The following TDRD9 variants were observed in gnomAD, a reference collection of about 807,000 sequenced individuals.
TDRD9 encodes tudor domain containing 9, also known as ATP-dependent RNA helicase TDRD9.
In TDRD9, 124 loss-of-function variants were observed where a neutral mutation model predicts 172.6. The ratio of observed to expected loss-of-function variants is 0.72; its 90% CI spans 0.62 to 0.83. The LOEUF is 0.83. TDRD9 is among the 40% of genes least tolerant of loss of function. TDRD9 has a pLI of 0.00. For missense variants in TDRD9, 1,479 were observed against 1,714.1 expected (o/e 0.86, Z 2.42); for synonymous variants, 619 against 617.1 (o/e 1.00, Z -0.05).
At chr14:104,042,010 G>A (rs1160610848) in intron 33 of TDRD9, 59 bp from the exon 34 acceptor site, 6 of 1,099,272 alleles carry the variant, frequency 5.5e-6, no homozygotes, top group Middle Eastern at 2.0e-4. Flanking sequence ...ATTCTCTAAC[G>A]GGATGAAATT....
At chr14:103,966,954 T>C in intron 5 of TDRD9, 123 bp downstream of exon 5, 1 of 920,372 alleles carries the variant, frequency 1.1e-6, no homozygotes, top group Non-Finnish European at 1.5e-6. Context: ...CCCTTTACTT[T>C]CTGGACTTTT....
intron 1 of TDRD9, among the ~76,000 whole-genome samples, chr14:103,930,465 C>G (rs145891460): frequency 6.6e-6 from 1 of 152,122 alleles, no homozygotes; most frequent in Non-Finnish European, 1.5e-5. Context: ...TGTGAGTCAC[C>G]GTGCCTGGCT....
At chr14:104,041,964 A>G in intron 33 of TDRD9, 105 bp from the exon 34 acceptor site, 1 of 780,290 alleles carries the variant, frequency 1.3e-6, no homozygotes, top group Non-Finnish European at 2.1e-6. Context: ...GATAAACCAT[A>G]CTGATGACAG....
intron 27 of TDRD9, 115 bp downstream of exon 27, chr14:104,026,251 A>C: frequency 1.4e-6 from 1 of 696,028 alleles, no homozygotes; most frequent in South Asian, 1.9e-5. Context: ...GCCAAGGCCC[A>C]GGACAGGGAG....
chr14:103,996,675 G>A (rs1463570844), intron 12 of TDRD9, among the ~76,000 whole-genome samples: 1 of 152,188 alleles, frequency 6.6e-6, no homozygotes, highest in African/African-American at 2.4e-5. Flanking sequence ...CAGGTGTTTT[G>A]TCTTTGTACC....
intron 30 of TDRD9, 33 bp from the exon 31 acceptor site, chr14:104,033,927 G>A (rs1436983712): frequency 7.1e-7 from 1 of 1,405,918 alleles, no homozygotes; most frequent in Non-Finnish European, 9.9e-7. Flanking sequence ...TAGTGGATCA[G>A]TCACCCCATC....
chr14:103,939,664 T>G (rs1212516), intron 1 of TDRD9: 1 of 111,908 alleles, frequency 8.9e-6, no homozygotes, highest in African/African-American at 3.3e-5. Context: ...GCAGGGAGAA[T>G]AAAGTTAGGA....
At chr14:103,956,149 T>TATATATATATATATATATATAA (rs1566738502) in intron 2 of TDRD9, among the ~76,000 whole-genome samples, 6 of 102,062 alleles carry the variant, frequency 5.9e-5, no homozygotes, top group Non-Finnish European at 1.1e-4. Context: ...TATATATATA[T>TATATATATATATATATATATAA]AATTATTAGG....
At chr14:104,020,616 G>C (rs947666359) in intron 23 of TDRD9, among the ~76,000 whole-genome samples, 1 of 152,180 alleles carries the variant, frequency 6.6e-6, no homozygotes, top group African/African-American at 2.4e-5. Context: ...AGGATGGGGC[G>C]TGAAGGAGAG....
At chr14:104,036,858 T>C (rs1372223620) in intron 32 of TDRD9, among the ~76,000 whole-genome samples, 2 of 152,226 alleles carry the variant, frequency 1.3e-5, no homozygotes, top group African/African-American at 4.8e-5. Context: ...ACTAGTTGTC[T>C]TTGAATCCAC....
At chr14:103,941,398 T>C (rs533944623) in intron 1 of TDRD9, 28 of 1,531,006 alleles carry the variant, frequency 1.8e-5, no homozygotes, top group African/African-American at 2.8e-5. Flanking sequence ...TATTTTTACC[T>C]GCTGAGAATA....
At chr14:103,950,797 G>A (rs1480637087) in intron 1 of TDRD9, among the ~76,000 whole-genome samples, 2 of 152,190 alleles carry the variant, frequency 1.3e-5, no homozygotes, top group Non-Finnish European at 2.9e-5. Flanking sequence ...AGCCAGGGAA[G>A]GCCATGAAGA....
chr14:103,938,434 A>C (rs1473398039), intron 1 of TDRD9, among the ~76,000 whole-genome samples: 1 of 34,932 alleles, frequency 2.9e-5, no homozygotes, highest in Non-Finnish European at 5.2e-5. Context: ...ATATATATAT[A>C]TATATATTTT....
intron 12 of TDRD9, among the ~76,000 whole-genome samples, chr14:103,996,989 A>G (rs756839846): frequency 6.6e-6 from 1 of 152,148 alleles, no homozygotes; most frequent in African/African-American, 2.4e-5. Flanking sequence ...CCATCAAGCA[A>G]GGAGGCCAGG....
At chr14:103,989,727 A>T (rs1273149059) in intron 8 of TDRD9, among the ~76,000 whole-genome samples, 1 of 152,226 alleles carries the variant, frequency 6.6e-6, no homozygotes, top group Non-Finnish European at 1.5e-5. Flanking sequence ...CAGTGGTAGC[A>T]GCCGGATGAG....
intron 32 of TDRD9, among the ~76,000 whole-genome samples, chr14:104,037,841 T>A (rs2035496723): frequency 6.6e-6 from 1 of 152,186 alleles, no homozygotes; most frequent in Admixed American, 6.5e-5. Context: ...CCGGAGTGCG[T>A]CACTCCTCTT....
rs1172582548 is a variant in TDRD9 at position 103,986,288 on chromosome 14, G to C, written c.1083G>C (p.Gln361His). 1.9e-6 allele frequency: 3 copies of C among 1,613,222 alleles called. No individual in the cohort carries two copies. The highest frequency in any genetic ancestry group is 2.5e-6 in the Non-Finnish European group (3 of 1,179,486). ...DIYEVAVSLI[Q>H]MFDDLDMKES... ...ATGAAGTTGCTGTCTCTCTCATTCA[G>C]ATGTTTGATGACTTGGATATGAAGG... The change falls in exon 8 of 36, where the codon CAG becomes CAC. Residue 361 changes from glutamine (Q) to histidine (H), a missense_variant. Around this residue, in one of 3 missense-constraint regions of TDRD9, gnomAD observed 1,413 missense variants for 1,649.1 expected, o/e 0.86. Coordinates refer to ENST00000409874, the MANE Select transcript of TDRD9 (RefSeq NM_153046.3).
chr14:104,006,004 T>C lies in TDRD9; in HGVS notation c.1714-385T>C, dbSNP rs538737875. On this transcript the variant is annotated intron_variant, in intron 15 of 35. Transcript: ENST00000409874. ...TTTAAATATGATACCTCCTTGGGTT[T>C]CTATGAAATACACTGTGTCAAGTTA... Among the ~76,000 whole-genome samples the C allele has an allele frequency of 2.6e-5, 4 of 152,302 alleles. No individual in the cohort carries two copies. The East Asian group carries it at 5.8e-4, about 22-fold the overall frequency.
At chr14:104,028,626 T>G (rs1378463378) in intron 28 of TDRD9, among the ~76,000 whole-genome samples, 1 of 152,244 alleles carries the variant, frequency 6.6e-6, no homozygotes, top group Non-Finnish European at 1.5e-5. Context: ...TCTCCCATTC[T>G]ACAGGTTGTC....
Sources: allele counts gnomAD v4.1 joint callset (sites outside exome capture counted in the v4.1 genomes callset), GRCh38; gene constraint gnomAD v4.1.1; regional missense constraint gnomAD v4.1.1; transcripts MANE v1.5; gene names NCBI Gene and HGNC (gene_info 2026-07-23, HGNC 2026-07-21).